Variants in TENM1 observed in about 807,000 individuals in gnomAD.
The protein encoded by TENM1 is teneurin-1.
Under a neutral mutation model 174.8 loss-of-function variants are expected in TENM1, and 35 were observed. That is an observed-to-expected ratio of 0.20 (90% CI 0.15 to 0.27). TENM1 has a LOEUF of 0.27. Ranked by LOEUF, TENM1 falls within the 10% of genes least tolerant of loss-of-function variation. TENM1 has a pLI of 1.00. For missense variants in TENM1, 1,633 were observed against 2,130.1 expected, an observed-to-expected ratio of 0.77 and a Z score of 4.59; for synonymous variants, 781 against 798.7, an observed-to-expected ratio of 0.98 and a Z score of 0.37.
the TENM1 span, among the ~76,000 whole-genome samples, chrX:125,095,258 T>C: frequency 1.3e-3 from 150 of 111,849 alleles, 1 homozygote; most frequent in Middle Eastern, 4.7e-3. Context: ...ATCTCAGTAA[T>C]ACTACACTAG....
intron 3 of TENM1, among the ~76,000 whole-genome samples, chrX:124,829,671 G>C (rs1337511390): frequency 1.8e-5 from 2 of 111,955 alleles, no homozygotes; most frequent in African/African-American, 6.5e-5. Flanking sequence ...CTTTAAAAGG[G>C]ACCAAGGCAA....
chrX:124,664,218 T>C (rs942249348), intron 6 of TENM1, among the ~76,000 whole-genome samples: 3 of 111,493 alleles, frequency 2.7e-5, no homozygotes, highest in African/African-American at 9.8e-5. Flanking sequence ...TAATATCCTT[T>C]AAATAAAAGA....
chrX:124,955,235 T>G (rs2058552318), intron 1 of TENM1, among the ~76,000 whole-genome samples: 1 of 106,826 alleles, frequency 9.4e-6, no homozygotes, highest in South Asian at 3.7e-4. Flanking sequence ...CACATTGGCA[T>G]CCCCCAAGGA....
At chrX:124,466,748 CCA>C (rs2061245324) in intron 22 of TENM1, among the ~76,000 whole-genome samples, 1 of 111,127 alleles carries the variant, frequency 9.0e-6, no homozygotes, top group African/African-American at 3.3e-5. Flanking sequence ...GGAAATGTCC[CCA>C]GTTTTACTAC....
chrX:124,608,509 G>A (rs1288748582), intron 11 of TENM1, among the ~76,000 whole-genome samples: 1 of 111,684 alleles, frequency 9.0e-6, no homozygotes, highest in Non-Finnish European at 1.9e-5. Flanking sequence ...CCAAGGAAAA[G>A]AGCTTCTTTG....
At chrX:125,028,995 A>G in the TENM1 span, among the ~76,000 whole-genome samples, 1 of 112,125 alleles carries the variant, frequency 8.9e-6, no homozygotes, top group African/African-American at 3.2e-5. Context: ...ATATTTCATC[A>G]TTAATAAAAA....
At chrX:125,112,833 C>A in the TENM1 span, among the ~76,000 whole-genome samples, 1 of 110,733 alleles carries the variant, frequency 9.0e-6, no homozygotes, top group African/African-American at 3.3e-5. Context: ...GGAGTGATAT[C>A]CCGTTTATAA....
chrX:124,482,681 A>C (rs999795786), intron 21 of TENM1, among the ~76,000 whole-genome samples: 1 of 112,151 alleles, frequency 8.9e-6, no homozygotes, highest in Non-Finnish European at 1.9e-5. Flanking sequence ...GTGACCCTAA[A>C]GTTACCTTGT....
intron 3 of TENM1, among the ~76,000 whole-genome samples, chrX:124,884,727 T>C (rs911877979): frequency 8.9e-6 from 1 of 112,282 alleles, no homozygotes; most frequent in Non-Finnish European, 1.9e-5. Context: ...TTCTTCTTTG[T>C]GGAGGAGGTA....
At chrX:125,078,356 G>A in the TENM1 span, among the ~76,000 whole-genome samples, 1 of 111,788 alleles carries the variant, frequency 8.9e-6, no homozygotes, top group East Asian at 2.8e-4. Context: ...TGCAGTGTTT[G>A]CAATTAGTGA....
chrX:124,405,403 C>A, intron 26 of TENM1, 137 bp from the exon 30 acceptor site: 1 of 477,411 alleles, frequency 2.1e-6, no homozygotes, highest in Non-Finnish European at 3.6e-6. Context: ...GCCTTCTGGG[C>A]TAGACTACCG....
chrX:124,717,954 G>C (rs1030753290), intron 4 of TENM1, among the ~76,000 whole-genome samples: 1 of 112,165 alleles, frequency 8.9e-6, no homozygotes, highest in Non-Finnish European at 1.9e-5. Flanking sequence ...TTCTATTTTT[G>C]AAATGAAGGT....
At chrX:124,704,921 G>A in intron 5 of TENM1, 92 bp downstream of exon 8, 1 of 663,812 alleles carries the variant, frequency 1.5e-6, no homozygotes, top group Non-Finnish European at 2.4e-6. Flanking sequence ...ATGTGTACAT[G>A]CCAGAATCGA....
intron 4 of TENM1, among the ~76,000 whole-genome samples, chrX:124,725,975 C>T (rs2148530042): frequency 8.9e-6 from 1 of 112,216 alleles, no homozygotes; most frequent in Admixed American, 9.4e-5. Flanking sequence ...CAAAACCATA[C>T]ATCTCTGTTT....
At chrX:124,616,410 A>G (rs1372079226) in intron 11 of TENM1, among the ~76,000 whole-genome samples, 1 of 112,601 alleles carries the variant, frequency 8.9e-6, no homozygotes, top group Non-Finnish European at 1.9e-5. Context: ...CTGCATTACA[A>G]TCACCTGGGT....
intron 4 of TENM1, among the ~76,000 whole-genome samples, chrX:124,707,375 T>C (rs1373093632): frequency 9.0e-6 from 1 of 111,527 alleles, no homozygotes; most frequent in African/African-American, 3.3e-5. Flanking sequence ...TGCATATTTA[T>C]GGGGTACATA....
chrX:124,987,162 A>G, the TENM1 span, among the ~76,000 whole-genome samples: 2 of 111,499 alleles, frequency 1.8e-5, no homozygotes, highest in Non-Finnish European at 3.8e-5. Context: ...TTGAGATCCC[A>G]TAATAACAAT....
intron 11 of TENM1, among the ~76,000 whole-genome samples, chrX:124,603,046 C>T (rs181506891): frequency 2.7e-5 from 3 of 110,475 alleles, no homozygotes; most frequent in African/African-American, 9.9e-5. Context: ...GAGGCAGAGA[C>T]TGGAGTTATG....
intron 3 of TENM1, among the ~76,000 whole-genome samples, chrX:124,865,459 G>A (rs2056984486): frequency 9.0e-6 from 1 of 111,340 alleles, no homozygotes; most frequent in Non-Finnish European, 1.9e-5. Flanking sequence ...TTAAAATAAT[G>A]GGTTATAAGG....
Sources: allele counts gnomAD v4.1 joint callset (sites outside exome capture counted in the v4.1 genomes callset), GRCh38; gene constraint gnomAD v4.1.1; transcripts MANE v1.5; gene names NCBI Gene and HGNC (gene_info 2026-07-23, HGNC 2026-07-21).